The following PABPC3 variants were observed in gnomAD, a reference collection of about 807,000 sequenced individuals.
PABPC3 encodes poly(A) binding protein cytoplasmic 3, also known as polyadenylate-binding protein 3.
A neutral mutation model predicts 43.0 loss-of-function variants in PABPC3; 43 were observed. The ratio of observed to expected loss-of-function variants is 1.00; its 90% confidence interval spans 0.78 to 1.29. PABPC3 has a LOEUF of 1.29. Among genes scored for constraint, PABPC3 ranks in the 50% most tolerant of loss-of-function variants. The pLI is 0.00. For synonymous variants in PABPC3, 221 were observed against 274.6 expected (o/e 0.80, Z 1.93); for missense variants, 784 against 798.1 (o/e 0.98, Z 0.21).
rs764898951 is a variant in PABPC3, at chr13:25,097,808, A to G, written c.1610A>G (p.Gln537Arg). The change falls in exon 1 of 1, where the codon CAG (glutamine) becomes CGG (arginine). Residue 537 changes from glutamine (Q) to arginine (R), a missense_variant. Transcript: ENST00000281589. The stretch of plus-strand genomic sequence containing the variant: ...CAGCTTGCTGTTCATGTACAAGGTC[A>G]GGAAACTTTGACTGCCTCCAGGTTG... ...MQQLAVHVQG[Q>R]ETLTASRLAS... The G allele has an allele frequency of 2.5e-6, 4 of 1,614,120 alleles. No homozygotes were observed. The highest frequency in any genetic ancestry group is 3.4e-6 in the Non-Finnish European group (4 of 1,179,958).
At position 25,098,293 on chromosome 13, in the gene PABPC3, T is replaced by G; in HGVS notation, c.*199T>G. 2.1e-6 allele frequency: 1 copy of G among 481,728 alleles called. No homozygotes were observed. The highest frequency in any genetic ancestry group is 3.9e-5 in the Admixed American group (1 of 25,900). 29.8% of individuals were successfully genotyped at this position (481,728 alleles called of 1,614,324 possible). A position where few individuals can be genotyped will look rare whatever the true frequency, so the allele number is the denominator to read the frequency against. On this transcript the variant is annotated 3_prime_UTR_variant, in exon 1 of 1. Transcript: ENST00000281589. ...AAATATAATGCTAGTCCTAGATTAC[T>G]TATTGATTTAAAAACAAAAAAAAGA... is the stretch of plus-strand genomic sequence containing the variant.
rs1413796756 is a variant in PABPC3 at position 25,098,902 on chromosome 13, G to C, written c.*808G>C. 2.4e-5 allele frequency: 4 copies of C among 166,850 alleles called. No individual in the cohort carries two copies. The highest frequency in any genetic ancestry group is 3.4e-3 in the Middle Eastern group (1 of 296). 10.3% of individuals were successfully genotyped at this position (166,850 alleles called of 1,614,324 possible). On this transcript the variant is annotated 3_prime_UTR_variant, in exon 1 of 1. Coordinates refer to ENST00000281589, the MANE Select transcript of PABPC3 (RefSeq NM_030979.3). ...AATCACTTTTAATCATTTGGTTTTAGTGTTTCTGGTAGTTGATTTTCTTCA... is the reference window on the plus strand; with the variant it reads ...AATCACTTTTAATCATTTGGTTTTACTGTTTCTGGTAGTTGATTTTCTTCA...
Position 25,098,266 on chromosome 13 carries a change from G to A in PABPC3, c.*172G>A. On this transcript the variant is annotated 3_prime_UTR_variant, in exon 1 of 1. Transcript: ENST00000281589. ...ATGTACCGAGCAAATGCAAGGTCTAGCAAATATAATGCTAGTCCTAGATTA... is the reference window on the plus strand; with the variant it reads ...ATGTACCGAGCAAATGCAAGGTCTAACAAATATAATGCTAGTCCTAGATTA... The A allele has an allele frequency of 4.9e-6, 3 of 606,676 alleles. No individual in the cohort carries two copies. In the South Asian group the frequency reaches 6.7e-5, roughly 13 times the overall value. 37.6% of individuals were successfully genotyped at this position (606,676 alleles called of 1,614,324 possible). A position where few individuals can be genotyped will look rare whatever the true frequency, so the allele number is the denominator to read the frequency against.
rs781215925 is a variant in PABPC3 at position 25,096,153 on chromosome 13, A to G, written c.-46A>G. The G allele has an allele frequency of 6.4e-7, 1 of 1,573,848 alleles. No homozygotes were observed. The highest frequency in any genetic ancestry group is 1.2e-5 in the South Asian group (1 of 85,048). On this transcript the variant is annotated 5_prime_UTR_variant, in exon 1 of 1. Coordinates refer to ENST00000281589, the MANE Select transcript of PABPC3 (RefSeq NM_030979.3). ...GCCCCGGCACGCGCTCTACTCCTGTAACGGAAAGGTCGCGGCTTGTGTGCC... is the reference window on the plus strand; with the variant it reads ...GCCCCGGCACGCGCTCTACTCCTGTGACGGAAAGGTCGCGGCTTGTGTGCC...
rs1337593570 is a variant in PABPC3, at chr13:25,097,082, A to G, written c.884A>G (p.Asn295Ser). The change falls in exon 1 of 1, where the codon AAT becomes AGT. Residue 295 changes from asparagine to serine, a missense_variant. Physicochemically the swap from Asn to Ser is conservative, Grantham distance 46. Coordinates refer to ENST00000281589, the MANE Select transcript of PABPC3 (RefSeq NM_030979.3). ...QDRITRYQVV[N>S]LYVKNLDDGI... ...AGGATCACCAGATACCAGGTTGTTA[A>G]TCTTTATGTGAAAAATCTTGATGAT... 6.2e-7 allele frequency: 1 copy of G among 1,614,188 alleles called. No individual in the cohort carries two copies. Among genetic ancestry groups the G allele is most frequent in the Non-Finnish European group, 8.5e-7 (1 of 1,180,064 alleles).
At chr13:25,097,418 TC>T in the PABPC3 span, 1 of 1,614,130 alleles carries the variant, frequency 6.2e-7, no homozygotes, top group Admixed American at 1.7e-5. Flanking sequence ...ATGACAGCTG[TC>T]CCACAGACTC....
chr13:25,099,075 T>C lies in PABPC3; in HGVS notation c.*981T>C, dbSNP rs1222873550. The C allele has an allele frequency of 6.0e-6, 1 of 166,602 alleles. No homozygotes were observed. The highest frequency in any genetic ancestry group is 2.4e-5 in the African/African-American group (1 of 41,402). 10.3% of individuals were successfully genotyped at this position (166,602 alleles called of 1,614,324 possible). A position where few individuals can be genotyped will look rare whatever the true frequency, so the allele number is the denominator to read the frequency against. On this transcript the variant is annotated 3_prime_UTR_variant, in exon 1 of 1. Coordinates refer to ENST00000281589, the MANE Select transcript of PABPC3 (RefSeq NM_030979.3). ...AATATAATTTATCACTACTTGTAGC[T>C]CCTTTATTGGTAATATTAATTAATA...
chr13:25,096,640 C>T lies in PABPC3; in HGVS notation c.442C>T (p.His148Tyr), dbSNP rs756157497. 29 of 1,614,112 alleles carry T rather than the reference C, an allele frequency of 1.8e-5. No individual in the cohort carries two copies. The highest frequency in any genetic ancestry group is 8.3e-5 in the Admixed American group (5 of 60,000). Reference sequence around the variant, plus strand: ...TTATGGATTTGTACACTTTGAGACACACGAAGCAGCTGAAAGAGCTATTAA... The same window carrying T: ...TTATGGATTTGTACACTTTGAGACATACGAAGCAGCTGAAAGAGCTATTAA... The part of the protein sequence containing the change: ...KGYGFVHFET[H>Y]EAAERAIKKM... Residue 148 changes from histidine (H) to tyrosine (Y), a missense_variant, in exon 1 of 1, where the codon CAC becomes TAC. Coordinates refer to ENST00000281589, the MANE Select transcript of PABPC3 (RefSeq NM_030979.3).
chr13:25,097,498 C>T, the PABPC3 span: 2 of 1,614,272 alleles, frequency 1.2e-6, no homozygotes, highest in Non-Finnish European at 1.7e-6. Flanking sequence ...CTGGACTGCT[C>T]AGGGTGCCAG....
chr13:25,097,994 G>A lies in PABPC3; in HGVS notation c.1796G>A (p.Arg599His), dbSNP rs752446615. The A allele has an allele frequency of 1.2e-5, 20 of 1,613,912 alleles. No individual in the cohort carries two copies. The highest frequency in any genetic ancestry group is 8.8e-5 in the South Asian group (8 of 91,070). The change falls in exon 1 of 1, where the codon CGT (arginine) becomes CAT (histidine). Residue 599 changes from arginine to histidine, a missense_variant. Transcript: ENST00000281589. ...LYMLESPESL[R>H]SKVDEAVAVL... ...ATGCTCGAGTCTCCAGAGTCACTCCGTTCTAAGGTTGATGAAGCTGTAGCT... is the reference window on the plus strand; with the variant it reads ...ATGCTCGAGTCTCCAGAGTCACTCCATTCTAAGGTTGATGAAGCTGTAGCT...
rs1412627012 is a variant in PABPC3, at chr13:25,096,605, G to T, written c.407G>T (p.Gly136Val). The T allele has an allele frequency of 6.2e-7, 1 of 1,614,160 alleles. No individual in the cohort carries two copies. Among genetic ancestry groups the T allele is most frequent in the Admixed American group, 1.7e-5 (1 of 60,014 alleles). The stretch of plus-strand genomic sequence containing the variant: ...TGTAACGTGGTTTGTGATGAAAATG[G>T]TTCCAAGGGTTATGGATTTGTACAC... ...LSCNVVCDEN[G>V]SKGYGFVHFE... The change falls in exon 1 of 1, where the codon GGT becomes GTT. Residue 136 changes from glycine to valine, a missense_variant. Transcript: ENST00000281589.
At position 25,098,425 on chromosome 13, in the gene PABPC3, A is replaced by G. The variant is rs1457234222; in HGVS notation, c.*331A>G. The G allele has an allele frequency of 8.4e-6, 2 of 238,794 alleles. No individual in the cohort carries two copies. The allele number at this position is 238,794 out of a possible 1,614,324, so 14.8% of individuals were successfully genotyped here. Reference sequence around the variant, plus strand: ...TCAGCAAAGTACAAAAATTTAAAGCATTCCTTTAATTTTTTAATTCTTTAC... The same window carrying G: ...TCAGCAAAGTACAAAAATTTAAAGCGTTCCTTTAATTTTTTAATTCTTTAC... On this transcript the variant is annotated 3_prime_UTR_variant, in exon 1 of 1. Transcript: ENST00000281589.
At chr13:25,097,073 AG>A in the PABPC3 span, 1 of 1,614,302 alleles carries the variant, frequency 6.2e-7, no homozygotes, top group Non-Finnish European at 8.5e-7. Context: ...ACCAGATACC[AG>A]GTTGTTAATC....
Position 25,097,997 on chromosome 13 carries a change from C to A in PABPC3, c.1799C>A (p.Ser600Tyr), listed in dbSNP as rs796078185. Residue 600 changes from serine (S) to tyrosine (Y), a missense_variant, in exon 1 of 1, where the codon TCT (serine) becomes TAT (tyrosine). Ser to Tyr is a moderately radical substitution (Grantham distance 144). Coordinates refer to ENST00000281589, the MANE Select transcript of PABPC3 (RefSeq NM_030979.3). ...CTCGAGTCTCCAGAGTCACTCCGTTCTAAGGTTGATGAAGCTGTAGCTGTA... is the reference window on the plus strand; with the variant it reads ...CTCGAGTCTCCAGAGTCACTCCGTTATAAGGTTGATGAAGCTGTAGCTGTA... The part of the protein sequence containing the change: ...YMLESPESLR[S>Y]KVDEAVAVLQ... The A allele has an allele frequency of 7.1e-4, 1,006 of 1,412,222 alleles. No homozygotes were observed. Among genetic ancestry groups the A allele is most frequent in the African/African-American group, 5.3e-3 (243 of 46,214 alleles). 87.5% of individuals were successfully genotyped at this position (1,412,222 alleles called of 1,614,324 possible).
chr13:25,098,112 G>T lies in PABPC3; in HGVS notation c.*18G>T. 6.3e-7 allele frequency: 1 copy of T among 1,599,010 alleles called. No homozygotes were observed. Among genetic ancestry groups the T allele is most frequent in the Non-Finnish European group, 8.5e-7 (1 of 1,170,528 alleles). On this transcript the variant is annotated 3_prime_UTR_variant, in exon 1 of 1. Coordinates refer to ENST00000281589, the MANE Select transcript of PABPC3 (RefSeq NM_030979.3). The stretch of plus-strand genomic sequence containing the variant: ...CTGTTTAAAATTGATCAGAGACCAC[G>T]AAAAGAAATTTGTGCTTCACCGAAG...
rs373988105 is a variant in PABPC3, at chr13:25,096,399, T to G, written c.201T>G (p.His67Gln). Residue 67 changes from histidine (H) to glutamine (Q), a missense_variant, in exon 1 of 1, where the codon CAT becomes CAG. By Grantham distance (24) the His-to-Gln change is conservative (BLOSUM62 0). Transcript: ENST00000281589. ...VNFQHTKDAE[H>Q]ALDTMNFDVI... ...TCCAGCATACGAAGGACGCGGAGCA[T>G]GCTCTGGACACCATGAATTTTGATG... The G allele has an allele frequency of 2.4e-5, 39 of 1,614,118 alleles. No homozygotes were observed. The highest frequency in any genetic ancestry group is 3.1e-5 in the Non-Finnish European group (37 of 1,180,054).
At position 25,097,345 on chromosome 13, in the gene PABPC3, A is replaced by G. The variant is rs751761100; in HGVS notation, c.1147A>G (p.Met383Val). The G allele has an allele frequency of 2.3e-5, 37 of 1,614,146 alleles. No homozygotes were observed. Among genetic ancestry groups the G allele is most frequent in the Non-Finnish European group, 3.1e-5 (37 of 1,180,058 alleles). Residue 383 changes from methionine to valine, a missense_variant, in exon 1 of 1, where the codon ATG becomes GTG. Coordinates refer to ENST00000281589, the MANE Select transcript of PABPC3 (RefSeq NM_030979.3). Reference sequence around the variant, plus strand: ...CCAGGCTTACCTCACTAACGAGTATATGCAGAGAATGGCAAGTGTACGAGC... The same window carrying G: ...CCAGGCTTACCTCACTAACGAGTATGTGCAGAGAATGGCAAGTGTACGAGC... ...ERQAYLTNEY[M>V]QRMASVRAVP...
chr13:25,097,522 C>T, the PABPC3 span: 2 of 1,614,118 alleles, frequency 1.2e-6, no homozygotes, highest in East Asian at 4.5e-5. Flanking sequence ...TCATCCATTC[C>T]AAAATAAGCC....
In PABPC3 at chr13:25,096,882, AAAATCC is replaced by A; in HGVS notation, c.688_693del (p.Ser230_Lys231del). 6.2e-7 allele frequency: 1 copy of A among 1,614,288 alleles called. No homozygotes were observed. Among genetic ancestry groups the A allele is most frequent in the Non-Finnish European group, 8.5e-7 (1 of 1,180,042 alleles). ...TGAAAGTAATGACCGATGAAAGTGG[AAAATCC>A]AAAGGATTTGGATTTGTAAGCTTTG... On this transcript the variant is annotated inframe_deletion, in exon 1 of 1. Coordinates refer to ENST00000281589, the MANE Select transcript of PABPC3 (RefSeq NM_030979.3).
Sources: gnomAD v4.1 joint callset for allele counts on GRCh38, gnomAD v4.1.1 for gene constraint, MANE v1.5 for transcripts, NCBI Gene and HGNC (gene_info 2026-07-23, HGNC 2026-07-21) for gene names.